BIN2: variants seen among roughly 807,000 people sequenced by gnomAD.
The protein encoded by BIN2 is breast cancer associated protein BRAP1.
Under a neutral mutation model 67.9 loss-of-function variants are expected in BIN2, and 43 were observed. The observed-to-expected ratio is 0.63, with a 90% CI of 0.50 to 0.82. The LOEUF (loss-of-function observed/expected upper bound fraction) is 0.82. Ranked by LOEUF, BIN2 falls within the 40% of genes least tolerant of loss-of-function variation. BIN2 has a pLI of 0.00. For synonymous variants in BIN2, 244 were observed against 246.8 expected, an observed-to-expected ratio of 0.99 and a Z score of 0.11; for missense variants, 581 against 671.6, an observed-to-expected ratio of 0.87 and a Z score of 1.49.
chr12:51,301,998 C>A lies in BIN2; in HGVS notation c.408+22G>T, dbSNP rs752266288. 2.6e-6 allele frequency: 4 copies of A among 1,565,256 alleles called. No individual in the cohort carries two copies. In the South Asian group the frequency reaches 4.4e-5, roughly 17 times the overall value. Reference sequence around the variant, plus strand: ...CTGGATGGGTCATCCACAACCCAGCCTTGATTCTGTACATTGAGTACCTTA... The same window carrying A: ...CTGGATGGGTCATCCACAACCCAGCATTGATTCTGTACATTGAGTACCTTA... On this transcript the variant is annotated intron_variant, in intron 5 of 12. Transcript: ENST00000615107.
chr12:51,311,834 C>T (rs145407868), intron 2 of BIN2, among the ~76,000 whole-genome samples: 19,816 of 151,450 alleles, frequency 0.13, 1,444 homozygotes, highest in East Asian at 0.24. Context: ...TGCAGTGGTG[C>T]GATCTTGGCT....
At chr12:51,310,443 G>A (rs924608474) in intron 2 of BIN2, among the ~76,000 whole-genome samples, 1 of 152,066 alleles carries the variant, frequency 6.6e-6, no homozygotes, top group African/African-American at 2.4e-5. Flanking sequence ...CACAATCAGG[G>A]GAATTTGGAC....
chr12:51,291,102 T>C (rs991047307), intron 10 of BIN2, among the ~76,000 whole-genome samples: 2 of 152,024 alleles, frequency 1.3e-5, no homozygotes, highest in African/African-American at 2.4e-5. Context: ...AGAGCCAAGA[T>C]TGCATGACTG....
intron 8 of BIN2, among the ~76,000 whole-genome samples, chr12:51,296,511 C>T (rs943996717): frequency 6.6e-6 from 1 of 150,930 alleles, no homozygotes; most frequent in Non-Finnish European, 1.5e-5. Flanking sequence ...AAAAAAAAAC[C>T]AAAAAACCTC....
At chr12:51,297,431 G>C (rs1229432866) in intron 7 of BIN2, 2 of 282,018 alleles carry the variant, frequency 7.1e-6, no homozygotes, top group East Asian at 1.7e-4. Flanking sequence ...GCCGGGCGTG[G>C]TGGCATGAGC....
chr12:51,315,937 C>G (rs12230016), intron 1 of BIN2, among the ~76,000 whole-genome samples: 1 of 152,138 alleles, frequency 6.6e-6, no homozygotes, highest in Non-Finnish European at 1.5e-5. Context: ...TAACCCCCAT[C>G]TTGGAAGGAG....
At chr12:51,322,360 G>A (rs953468562) in intron 1 of BIN2, among the ~76,000 whole-genome samples, 1 of 152,184 alleles carries the variant, frequency 6.6e-6, no homozygotes, top group African/African-American at 2.4e-5. Flanking sequence ...GAAGATGCAA[G>A]AGTGAAATAC....
chr12:51,303,489 A>C (rs1945787266), intron 2 of BIN2, among the ~76,000 whole-genome samples: 1 of 152,176 alleles, frequency 6.6e-6, no homozygotes, highest in South Asian at 2.1e-4. Context: ...GTAAAGTGCT[A>C]CCATTTTCTG....
At chr12:51,305,278 G>C (rs1242660697) in intron 2 of BIN2, among the ~76,000 whole-genome samples, 1 of 151,944 alleles carries the variant, frequency 6.6e-6, no homozygotes, top group Non-Finnish European at 1.5e-5. Flanking sequence ...AGAGGTGGCA[G>C]TGAGCCGAGA....
At chr12:51,316,571 G>T (rs1946139853) in intron 1 of BIN2, among the ~76,000 whole-genome samples, 1 of 152,060 alleles carries the variant, frequency 6.6e-6, no homozygotes, top group Admixed American at 6.6e-5. Flanking sequence ...AGGTCCCAAG[G>T]CTACATTAAG....
At chr12:51,311,303 G>T (rs1002428624) in intron 2 of BIN2, among the ~76,000 whole-genome samples, 5 of 151,924 alleles carry the variant, frequency 3.3e-5, no homozygotes, top group African/African-American at 1.2e-4. Flanking sequence ...TCCCACCTCG[G>T]CCTCCCACTG....
At chr12:51,285,890 GT>G (rs1290635780) in intron 11 of BIN2, among the ~76,000 whole-genome samples, 1 of 152,064 alleles carries the variant, frequency 6.6e-6, no homozygotes, top group Non-Finnish European at 1.5e-5. Context: ...GGGATTACAG[GT>G]GTGAGCCATG....
In BIN2 at chr12:51,291,856, G is replaced by A; in HGVS notation, c.1250C>T (p.Pro417Leu). 1 of 1,614,138 alleles carries A rather than the reference G, an allele frequency of 6.2e-7. No homozygotes were observed. The change falls in exon 10 of 13, where the codon CCT becomes CTT. Residue 417 changes from proline (P) to leucine (L), a missense_variant. By Grantham distance (98) the Pro-to-Leu change is moderately conservative. Transcript: ENST00000615107. ...GCTTGCAGTGGCTCTGGGTGGAGGA[G>A]GCCTACTAGGGGGTGCTGAGGTCCT... The part of the protein sequence containing the change: ...IQRTSAPPSR[P>L]PPPRATASPR...
intron 9 of BIN2, among the ~76,000 whole-genome samples, chr12:51,292,631 A>C (rs927543285): frequency 5.3e-5 from 8 of 152,162 alleles, no homozygotes; most frequent in African/African-American, 1.9e-4. Context: ...GGTGATATAC[A>C]GTTGAACTAC....
intron 1 of BIN2, among the ~76,000 whole-genome samples, chr12:51,316,907 G>A (rs151176417): frequency 7.0e-4 from 106 of 151,884 alleles, no homozygotes; most frequent in African/African-American, 2.3e-3. Context: ...ACAGAGTTTC[G>A]CTCTTGTTGC....
At chr12:51,319,292 A>G (rs1946208438) in intron 1 of BIN2, among the ~76,000 whole-genome samples, 1 of 152,088 alleles carries the variant, frequency 6.6e-6, no homozygotes, top group Non-Finnish European at 1.5e-5. Flanking sequence ...ACTGAGAGAA[A>G]CTTCCTCACC....
At chr12:51,285,626 CTTTTT>C (rs10562037) in intron 11 of BIN2, among the ~76,000 whole-genome samples, 3 of 131,494 alleles carry the variant, frequency 2.3e-5, no homozygotes, top group Admixed American at 7.5e-5. Context: ...TTCTTTCTTT[CTTTTT>C]TTTTTTTTTT....
Position 51,291,759 on chromosome 12 carries a change from C to G in BIN2, c.1347G>C (p.Arg449Ser), listed in dbSNP as rs1945385646. ...ASGGGSPTSP[R>S]ASLGTGTASP... The stretch of plus-strand genomic sequence containing the variant: ...TTGCAGTCCCAGTCCCCAAGGAGGC[C>G]CTAGGGCTGGTGGGTGAACCCCCTC... The change falls in exon 10 of 13, where the codon AGG becomes AGC. Residue 449 changes from arginine to serine, a missense_variant. By Grantham distance (110) the Arg-to-Ser change is moderately radical (BLOSUM62 -1). Transcript: ENST00000615107. 5 of 1,613,514 alleles carry G rather than the reference C, an allele frequency of 3.1e-6. No individual in the cohort carries two copies. Among genetic ancestry groups the G allele is most frequent in the Non-Finnish European group, 4.2e-6 (5 of 1,179,678 alleles).
At chr12:51,295,628 A>C in intron 9 of BIN2, among the ~76,000 whole-genome samples, 168 bp downstream of exon 9, 2 of 131,126 alleles carry the variant, frequency 1.5e-5, no homozygotes, top group Non-Finnish European at 1.6e-5. Flanking sequence ...ATATATATAT[A>C]TATTTAGTAA....
Sources: gnomAD v4.1 joint callset for allele counts (sites outside exome capture counted in the v4.1 genomes callset) on GRCh38, gnomAD v4.1.1 for gene constraint, MANE v1.5 for transcripts, NCBI Gene and HGNC (gene_info 2026-07-23, HGNC 2026-07-21) for gene names.